Variants in ERC1 observed in about 807,000 individuals in gnomAD.
ERC1 encodes ELKS/RAB6-interacting/CAST family member 1.
In ERC1, 56 loss-of-function variants were observed where a neutral mutation model predicts 132.0. The observed-to-expected ratio is 0.42, with a 90% CI of 0.34 to 0.53. ERC1 has a LOEUF of 0.53. Ranked by LOEUF, ERC1 falls within the 20% of genes least tolerant of loss-of-function variation. ERC1 has a pLI of 0.03. For synonymous variants in ERC1, 478 were observed against 476.1 expected (o/e 1.00, Z -0.05); for missense variants, 1,202 against 1,349.9 (o/e 0.89, Z 1.72).
At chr12:1,146,798 G>A (rs867211384) in intron 8 of ERC1, among the ~76,000 whole-genome samples, 77 of 104,114 alleles carry the variant, frequency 7.4e-4, no homozygotes, top group Middle Eastern at 5.5e-3. Context: ...AACAGTCCCC[G>A]GAGTGTGATG....
intron 16 of ERC1, among the ~76,000 whole-genome samples, chr12:1,376,465 A>G (rs1329304666): frequency 6.6e-6 from 1 of 152,194 alleles, no homozygotes; most frequent in Non-Finnish European, 1.5e-5. Context: ...TTCTGTGAAA[A>G]TAGAGCAGTG....
At chr12:1,102,486 T>C (rs1360856870) in intron 3 of ERC1, among the ~76,000 whole-genome samples, 1 of 152,136 alleles carries the variant, frequency 6.6e-6, no homozygotes, top group Non-Finnish European at 1.5e-5. Flanking sequence ...TGTAGCATGC[T>C]GTATGAGAAA....
rs139467911 is a variant in ERC1 at position 1,436,155 on chromosome 12, G to GACACACACAC, written c.3025-8390_3025-8381dup. Among the ~76,000 whole-genome samples the GACACACACAC allele has an allele frequency of 4.6e-4, 68 of 148,728 alleles. 1 individual carries two copies. Among genetic ancestry groups the GACACACACAC allele is most frequent in the South Asian group, 2.8e-3 (13 of 4,682 alleles). The stretch of plus-strand genomic sequence containing the variant: ...CAGCCCTTCCATGTACAGACAGACG[G>GACACACACAC]ACACACACACACACACACACACACA... On this transcript the variant is annotated intron_variant, in intron 17 of 18. Coordinates refer to ENST00000360905, the MANE Select transcript of ERC1 (RefSeq NM_178040.4).
intron 7 of ERC1, among the ~76,000 whole-genome samples, chr12:1,123,478 A>G (rs756531641): frequency 1.1e-4 from 16 of 152,256 alleles, no homozygotes; most frequent in Non-Finnish European, 1.9e-4. Flanking sequence ...AACAAGAGTT[A>G]AACAGACAAA....
intron 15 of ERC1, among the ~76,000 whole-genome samples, chr12:1,361,347 A>T (rs980999999): frequency 1.3e-5 from 2 of 152,120 alleles, no homozygotes; most frequent in Non-Finnish European, 2.9e-5. Flanking sequence ...AACAGGGCAC[A>T]TGTATACATA....
Position 1,445,762 on chromosome 12 carries a change from T to G in ERC1, c.3213+1012T>G, listed in dbSNP as rs181897223. Among the ~76,000 whole-genome samples the G allele has an allele frequency of 2.0e-5, 3 of 152,334 alleles. No individual in the cohort carries two copies. In the East Asian group the frequency reaches 5.8e-4, roughly 29 times the overall value. ...AGGGCTGATTTATAAGGGAGAAGGC[T>G]AAGGACGATCTGTTAACATTGCCAT... On this transcript the variant is annotated intron_variant, in intron 18 of 18. Transcript: ENST00000360905.
At chr12:1,488,405 T>C (rs1416991512) in intron 18 of ERC1, among the ~76,000 whole-genome samples, 1 of 151,474 alleles carries the variant, frequency 6.6e-6, no homozygotes, top group East Asian at 2.0e-4. Context: ...AAAACAGCCC[T>C]ATAAGGTAGG....
chr12:1,006,977 GTATAGTA>G (rs1203198559), intron 1 of ERC1, among the ~76,000 whole-genome samples: 1 of 150,120 alleles, frequency 6.7e-6, no homozygotes. Context: ...TATATATGGT[GTATAGTA>G]TATAGTGTAT....
intron 12 of ERC1, among the ~76,000 whole-genome samples, chr12:1,190,764 G>T (rs961198257): frequency 6.6e-6 from 1 of 152,060 alleles, no homozygotes; most frequent in Non-Finnish European, 1.5e-5. Context: ...ATGTAAAACT[G>T]TGCAGAAACA....
chr12:1,294,187 C>T (rs2079733195), intron 15 of ERC1, among the ~76,000 whole-genome samples: 1 of 152,152 alleles, frequency 6.6e-6, no homozygotes, highest in Non-Finnish European at 1.5e-5. Flanking sequence ...ACCCTATAGA[C>T]ATTTCTTTAC....
At chr12:1,094,057 C>T (rs1402699687) in intron 3 of ERC1, among the ~76,000 whole-genome samples, 1 of 141,650 alleles carries the variant, frequency 7.1e-6, no homozygotes, top group Non-Finnish European at 1.5e-5. Context: ...GTGGCTCTGT[C>T]GCCCAGGCTG....
At chr12:1,108,528 C>T (rs1945502834) in intron 4 of ERC1, among the ~76,000 whole-genome samples, 1 of 152,090 alleles carries the variant, frequency 6.6e-6, no homozygotes, top group Admixed American at 6.5e-5. Context: ...CATTTGTAGG[C>T]TAGTCATATG....
chr12:1,138,359 G>A (rs1421503169), intron 7 of ERC1, among the ~76,000 whole-genome samples: 1 of 137,164 alleles, frequency 7.3e-6, no homozygotes, highest in Non-Finnish European at 1.5e-5. Flanking sequence ...TATAATATAT[G>A]TTATATGTAA....
intron 11 of ERC1, among the ~76,000 whole-genome samples, chr12:1,185,682 T>C (rs1037958696): frequency 6.6e-6 from 1 of 151,892 alleles, no homozygotes; most frequent in African/African-American, 2.4e-5. Flanking sequence ...GATAAATGAA[T>C]ATACTTAACC....
intron 18 of ERC1, among the ~76,000 whole-genome samples, chr12:1,478,328 T>C (rs2094014078): frequency 7.1e-6 from 1 of 140,104 alleles, no homozygotes; most frequent in Admixed American, 7.0e-5. Context: ...TTTATATGTC[T>C]GTTAACCATT....
intron 14 of ERC1, among the ~76,000 whole-genome samples, chr12:1,289,390 G>C (rs891585440): frequency 6.6e-6 from 1 of 151,744 alleles, no homozygotes; most frequent in African/African-American, 2.4e-5. Flanking sequence ...ATGTAAATAG[G>C]AAAATTTTAG....
At chr12:1,139,908 T>C (rs1377884336) in intron 7 of ERC1, among the ~76,000 whole-genome samples, 1 of 152,090 alleles carries the variant, frequency 6.6e-6, no homozygotes, top group Non-Finnish European at 1.5e-5. Context: ...AAAAAAAATT[T>C]AGAGTTTGAA....
chr12:1,305,690 C>G (rs1442923128), intron 15 of ERC1, among the ~76,000 whole-genome samples: 1 of 152,168 alleles, frequency 6.6e-6, no homozygotes, highest in Admixed American at 6.5e-5. Flanking sequence ...CAATATTTAT[C>G]ACAAGTACAA....
rs145077250 is a variant in ERC1 at position 1,333,627 on chromosome 12, G to A, written c.2781-38206G>A. On this transcript the variant is annotated intron_variant, in intron 15 of 18. Transcript: ENST00000360905. ...ATTACAGGCGTGAGCCACCGCACCC[G>A]GCCCCACATTTTCTTTAGTCTATCA... 9.6e-3 allele frequency among the ~76,000 whole-genome samples: 1,465 copies of A among 152,064 alleles called. 25 individuals are homozygous for A. Among genetic ancestry groups the A allele is most frequent in the African/African-American group, 0.033 (1,375 of 41,500 alleles).
Sources: gnomAD v4.1 joint callset for allele counts (sites outside exome capture counted in the v4.1 genomes callset) on GRCh38, gnomAD v4.1.1 for gene constraint, MANE v1.5 for transcripts, NCBI Gene and HGNC (gene_info 2026-07-23, HGNC 2026-07-21) for gene names.